ADK: variants seen among roughly 807,000 people sequenced by gnomAD.
The protein encoded by ADK is adenosine kinase.
A neutral mutation model predicts 44.7 loss-of-function variants in ADK; 24 were observed. That is an observed-to-expected ratio of 0.54 (90% CI 0.39 to 0.76). The LOEUF is 0.76. ADK is among the 30% of genes least tolerant of loss of function. The pLI is 0.00. For synonymous variants in ADK, 128 were observed against 142.6 expected (o/e 0.90, Z 0.73); for missense variants, 321 against 425.1 (o/e 0.76, Z 2.15).
intron 6 of ADK, among the ~76,000 whole-genome samples, chr10:74,432,154 A>T (rs759459342): frequency 1.4e-4 from 21 of 152,192 alleles, no homozygotes; most frequent in Non-Finnish European, 3.1e-4. Context: ...TGGTTGCACC[A>T]CTGCACTCCA....
At chr10:74,177,288 C>T (rs1842378390) in intron 1 of ADK, among the ~76,000 whole-genome samples, 1 of 152,146 alleles carries the variant, frequency 6.6e-6, no homozygotes, top group Non-Finnish European at 1.5e-5. Flanking sequence ...CATTGTTGGC[C>T]GGGAGCAGAC....
chr10:74,162,236 G>A (rs932588037), intron 1 of ADK, among the ~76,000 whole-genome samples: 3 of 151,968 alleles, frequency 2.0e-5, no homozygotes, highest in Non-Finnish European at 2.9e-5. Flanking sequence ...GGCCAGGCTG[G>A]TCTCGAACTC....
intron 6 of ADK, among the ~76,000 whole-genome samples, chr10:74,513,267 A>G (rs1848418747): frequency 6.6e-6 from 1 of 152,080 alleles, no homozygotes; most frequent in African/African-American, 2.4e-5. Context: ...TATCTGTTGT[A>G]TTTAGTCTAT....
intron 3 of ADK, among the ~76,000 whole-genome samples, chr10:74,292,920 C>T (rs529264045): frequency 1.6e-4 from 24 of 151,936 alleles, no homozygotes; most frequent in Non-Finnish European, 2.4e-4. Context: ...ATTTTAAAAA[C>T]GTAAGTCAGA....
intron 2 of ADK, among the ~76,000 whole-genome samples, chr10:74,223,085 AT>A (rs1564603060): frequency 1.3e-5 from 2 of 152,168 alleles, no homozygotes. Context: ...GAAACTGGGT[AT>A]TTTATAAGAA....
Position 74,166,235 on chromosome 10 carries a change from C to T in ADK, c.65+14892C>T, listed in dbSNP as rs540929382. On this transcript the variant is annotated intron_variant, in intron 1 of 10. Transcript: ENST00000539909. ...GATTACAGGCGTGAGCCACCATGCC[C>T]GGCCAGTAGATTGTATTTTCTAATC... 5.9e-5 allele frequency among the ~76,000 whole-genome samples: 9 copies of T among 152,282 alleles called. No individual in the cohort carries two copies. In the South Asian group the frequency reaches 8.3e-4, roughly 14 times the overall value.
intron 3 of ADK, among the ~76,000 whole-genome samples, chr10:74,277,027 C>G (rs1159535974): frequency 6.6e-6 from 1 of 152,148 alleles, no homozygotes; most frequent in Non-Finnish European, 1.5e-5. Context: ...AAGCGATTCT[C>G]CTGCCTCAGC....
intron 9 of ADK, among the ~76,000 whole-genome samples, chr10:74,621,539 T>C (rs1852993075): frequency 6.6e-6 from 1 of 152,202 alleles, no homozygotes; most frequent in African/African-American, 2.4e-5. Context: ...CTCAGGATGT[T>C]TTTTACCATT....
chr10:74,700,968 G>T (rs943494007), intron 10 of ADK, among the ~76,000 whole-genome samples: 1 of 152,154 alleles, frequency 6.6e-6, no homozygotes, highest in Non-Finnish European at 1.5e-5. Flanking sequence ...GGGTAAAAAA[G>T]AGAACCAATC....
At chr10:74,328,509 C>T (rs917848701) in intron 4 of ADK, among the ~76,000 whole-genome samples, 1 of 152,120 alleles carries the variant, frequency 6.6e-6, no homozygotes, top group Non-Finnish European at 1.5e-5. Flanking sequence ...CCCACCCAAA[C>T]CTCATCTCTA....
intron 1 of ADK, among the ~76,000 whole-genome samples, chr10:74,164,186 T>C (rs888456802): frequency 6.6e-6 from 1 of 152,240 alleles, no homozygotes; most frequent in Non-Finnish European, 1.5e-5. Flanking sequence ...TGAGATATTA[T>C]AATAAAACTT....
chr10:74,155,520 AT>A (rs1841721205), intron 1 of ADK, among the ~76,000 whole-genome samples: 1 of 151,546 alleles, frequency 6.6e-6, no homozygotes, highest in African/African-American at 2.4e-5. Context: ...CTATATATAT[AT>A]TTTTTTGTTT....
chr10:74,484,918 G>A (rs191625578), intron 6 of ADK, among the ~76,000 whole-genome samples: 66 of 152,136 alleles, frequency 4.3e-4, no homozygotes, highest in Non-Finnish European at 6.8e-4. Context: ...ATCTAAATAT[G>A]AAGGTAAAAT....
chr10:74,252,734 G>T (rs552711846), intron 3 of ADK, among the ~76,000 whole-genome samples: 12 of 152,192 alleles, frequency 7.9e-5, no homozygotes, highest in African/African-American at 1.2e-4. Context: ...GTTAACCTAC[G>T]TTTCAGGGTC....
At chr10:74,155,041 A>G (rs1455653242) in intron 1 of ADK, among the ~76,000 whole-genome samples, 7 of 152,242 alleles carry the variant, frequency 4.6e-5, no homozygotes, top group Non-Finnish European at 7.3e-5. Context: ...CATGACTTTT[A>G]ATAGTACTAA....
At chr10:74,662,304 A>C (rs1297159459) in intron 9 of ADK, among the ~76,000 whole-genome samples, 2 of 152,196 alleles carry the variant, frequency 1.3e-5, no homozygotes, top group Non-Finnish European at 2.9e-5. Flanking sequence ...CTTTTGAGAC[A>C]GGGTGTTGCT....
rs1843631231 is a variant in ADK at position 74,399,350 on chromosome 10, T to TA, written c.555+777dup. Among the ~76,000 whole-genome samples the TA allele has an allele frequency of 4.0e-5, 6 of 151,490 alleles. No homozygotes were observed. In the South Asian group the frequency reaches 1.3e-3, roughly 32 times the overall value. ...TCTGTGAAATAGCTGGTAAGATGTG[T>TA]AAAAAATTGATTACCCTACTAGGAG... On this transcript the variant is annotated intron_variant, in intron 6 of 10. Transcript: ENST00000539909.
rs140168583 is a variant in ADK, at chr10:74,365,917, G to T, written c.274-28224G>T. On this transcript the variant is annotated intron_variant, in intron 4 of 10. Coordinates refer to ENST00000539909, the MANE Select transcript of ADK (RefSeq NM_006721.4). The stretch of plus-strand genomic sequence containing the variant: ...AATACTATTAATATCTAACTCAGTG[G>T]GTATAAAGTTATATCTCATTGTATT... Among the ~76,000 whole-genome samples the T allele has an allele frequency of 3.4e-3, 521 of 152,112 alleles. 6 individuals carry two copies. Among genetic ancestry groups the T allele is most frequent in the African/African-American group, 0.012 (485 of 41,490 alleles).
chr10:74,372,137 C>A, intron 4 of ADK: 1 of 750,226 alleles, frequency 1.3e-6, no homozygotes, highest in African/African-American at 1.7e-5. Flanking sequence ...TGCCTGATCT[C>A]TACAGAGATC....
Sources: allele counts gnomAD v4.1 joint callset (sites outside exome capture counted in the v4.1 genomes callset), GRCh38; gene constraint gnomAD v4.1.1; transcripts MANE v1.5; gene names NCBI Gene and HGNC (gene_info 2026-07-23, HGNC 2026-07-21).